Variants in RGS20 observed in about 807,000 individuals in gnomAD.
RGS20 encodes the protein gz-selective GTPase-activating protein.
Under a neutral mutation model 33.6 loss-of-function variants are expected in RGS20, and 30 were observed. The observed-to-expected ratio is 0.89, with a 90% CI of 0.67 to 1.21. RGS20 has a LOEUF of 1.21. RGS20 is among the 50% of genes most tolerant of loss of function. The pLI, the probability that RGS20 is intolerant of heterozygous loss-of-function variation, is 0.00. For synonymous variants in RGS20, 208 were observed against 197.9 expected (o/e 1.05, Z -0.43); for missense variants, 472 against 502.4 (o/e 0.94, Z 0.58).
chr8:53,860,524 G>C (rs1811785556), intron 1 of RGS20, among the ~76,000 whole-genome samples: 1 of 152,176 alleles, frequency 6.6e-6, no homozygotes. Context: ...GAGGCAGGAG[G>C]CTAGCAGCCC....
chr8:53,884,153 A>T (rs143312780), intron 2 of RGS20, among the ~76,000 whole-genome samples: 164 of 151,782 alleles, frequency 1.1e-3, no homozygotes, highest in African/African-American at 3.8e-3. Context: ...AGTATGCATA[A>T]TGAAACACAT....
chr8:53,884,072 T>G (rs528722917), intron 2 of RGS20, among the ~76,000 whole-genome samples: 62 of 152,250 alleles, frequency 4.1e-4, no homozygotes, highest in African/African-American at 1.3e-3. Flanking sequence ...ATTATATTGA[T>G]GCTAAATTGG....
At chr8:53,882,978 C>G (rs1812438639) in intron 2 of RGS20, among the ~76,000 whole-genome samples, 1 of 152,236 alleles carries the variant, frequency 6.6e-6, no homozygotes, top group South Asian at 2.1e-4. Context: ...GCAAAACGGT[C>G]TGACTTCCGC....
intron 2 of RGS20, among the ~76,000 whole-genome samples, chr8:53,880,506 G>A (rs1202977765): frequency 1.3e-5 from 2 of 152,112 alleles, no homozygotes; most frequent in East Asian, 1.9e-4. Flanking sequence ...AAGCTCTGGG[G>A]ACCAAGCGCC....
intron 2 of RGS20, among the ~76,000 whole-genome samples, chr8:53,881,995 C>T (rs1365555482): frequency 6.6e-6 from 1 of 152,058 alleles, no homozygotes; most frequent in African/African-American, 2.4e-5. Flanking sequence ...GCGCGGCTGT[C>T]CTCCAGCGCT....
intron 2 of RGS20, among the ~76,000 whole-genome samples, chr8:53,898,888 G>A (rs528368208): frequency 6.6e-6 from 1 of 152,166 alleles, no homozygotes; most frequent in Non-Finnish European, 1.5e-5. Context: ...TTGTACTGAC[G>A]TATGCCTATG....
At chr8:53,887,978 TA>T (rs111681980) in intron 2 of RGS20, among the ~76,000 whole-genome samples, 5,792 of 143,694 alleles carry the variant, frequency 0.04, 339 homozygotes, top group African/African-American at 0.13. Context: ...GACCCTGACT[TA>T]AAAAAAAAAA....
chr8:53,940,396 G>A (rs917886382), intron 3 of RGS20, among the ~76,000 whole-genome samples: 5 of 152,182 alleles, frequency 3.3e-5, no homozygotes, highest in African/African-American at 1.2e-4. Flanking sequence ...TCTTGGATAT[G>A]AAAAGTGCTT....
At chr8:53,886,205 AC>A (rs1369484517) in intron 2 of RGS20, among the ~76,000 whole-genome samples, 2 of 152,162 alleles carry the variant, frequency 1.3e-5, no homozygotes, top group Non-Finnish European at 2.9e-5. Context: ...CCTGAATGTT[AC>A]TTTGCGCAGC....
chr8:53,887,682 A>T (rs1812588387), intron 2 of RGS20, among the ~76,000 whole-genome samples: 1 of 152,224 alleles, frequency 6.6e-6, no homozygotes, highest in Admixed American at 6.5e-5. Flanking sequence ...GACTACTGTT[A>T]AAAAGTACAT....
At chr8:53,957,944 C>G (rs545395063) in intron 5 of RGS20, among the ~76,000 whole-genome samples, 11 of 151,986 alleles carry the variant, frequency 7.2e-5, no homozygotes, top group Non-Finnish European at 1.3e-4. Context: ...GTCAGGAGTT[C>G]GAAACCAACC....
intron 2 of RGS20, among the ~76,000 whole-genome samples, chr8:53,904,758 G>A (rs1813119961): frequency 6.6e-6 from 1 of 150,966 alleles, no homozygotes; most frequent in Non-Finnish European, 1.5e-5. Flanking sequence ...GATAAGCAAA[G>A]CTCTTAATAA....
intron 1 of RGS20, among the ~76,000 whole-genome samples, chr8:53,870,911 G>A (rs1166444596): frequency 6.6e-6 from 1 of 151,832 alleles, no homozygotes; most frequent in Non-Finnish European, 1.5e-5. Context: ...AGGAGTTCAA[G>A]ACCAGCCTGG....
chr8:53,935,521 C>T lies in RGS20; in HGVS notation c.511-4055C>T, dbSNP rs145366533. On this transcript the variant is annotated intron_variant, in intron 2 of 5. Coordinates refer to ENST00000297313, the MANE Select transcript of RGS20 (RefSeq NM_170587.4). ...AAAATCTAGAAGAAACAGATAAATT[C>T]CTGGACACATACACCCTCCCAAGAC... Among the ~76,000 whole-genome samples the T allele has an allele frequency of 8.9e-3, 1,356 of 152,206 alleles. 17 individuals are homozygous for T. The highest frequency in any genetic ancestry group is 0.031 in the African/African-American group (1,303 of 41,550).
At chr8:53,859,362 A>G (rs1232168599) in intron 1 of RGS20, among the ~76,000 whole-genome samples, 2 of 152,184 alleles carry the variant, frequency 1.3e-5, no homozygotes, top group East Asian at 3.8e-4. Context: ...TACTGCAAAA[A>G]TCCTGGCTAG....
chr8:53,880,872 A>C, intron 2 of RGS20: 1 of 1,446,268 alleles, frequency 6.9e-7, no homozygotes, highest in Non-Finnish European at 9.1e-7. Flanking sequence ...GGGAGGAGGC[A>C]GAGCAAGGGG....
chr8:53,912,699 A>G (rs1166866781), intron 2 of RGS20, among the ~76,000 whole-genome samples: 1 of 152,108 alleles, frequency 6.6e-6, no homozygotes, highest in Non-Finnish European at 1.5e-5. Context: ...GTGCATGTGT[A>G]TGTTTGTATA....
chr8:53,951,635 A>G (rs1312071234), intron 4 of RGS20, among the ~76,000 whole-genome samples: 2 of 152,244 alleles, frequency 1.3e-5, no homozygotes, highest in African/African-American at 4.8e-5. Flanking sequence ...CTGACCAAGC[A>G]TTACCTTATA....
intron 1 of RGS20, among the ~76,000 whole-genome samples, chr8:53,875,081 G>A (rs1308171436): frequency 1.3e-5 from 2 of 152,312 alleles, no homozygotes; most frequent in South Asian, 2.1e-4. Flanking sequence ...GACTGCAAGA[G>A]GAGAAAGCTC....
Sources: gnomAD v4.1 joint callset for allele counts (sites outside exome capture counted in the v4.1 genomes callset) on GRCh38, gnomAD v4.1.1 for gene constraint, MANE v1.5 for transcripts, NCBI Gene and HGNC (gene_info 2026-07-23, HGNC 2026-07-21) for gene names.